Variants in ACOT1 observed in about 807,000 individuals in gnomAD.
ACOT1 encodes acyl-CoA thioesterase 1.
ACOT1 carries 8 observed loss-of-function variants against 15.7 expected under a neutral mutation model. That is an observed-to-expected ratio of 0.51 (90% CI 0.30 to 0.92). ACOT1 has a LOEUF of 0.92. Among genes scored for constraint, ACOT1 ranks in the 40% least tolerant of loss-of-function variants. ACOT1 has a pLI of 0.06. For synonymous variants in ACOT1, 67 were observed against 241.2 expected (o/e 0.28, Z 6.69); for missense variants, 151 against 539.4 (o/e 0.28, Z 7.13).
chr14:73,522,987 G>A, the ACOT1 span: 20 of 1,614,104 alleles, frequency 1.2e-5, no homozygotes, highest in Admixed American at 3.3e-5. Context: ...CGGTGTAGAC[G>A]GTACTGTGAG....
the ACOT1 span, chr14:73,491,444 G>T: frequency 2.2e-6 from 3 of 1,384,680 alleles, no homozygotes; most frequent in Non-Finnish European, 2.8e-6. Flanking sequence ...GGTCCGGGTG[G>T]TGGAGACCTC....
the ACOT1 span, chr14:73,500,429 C>T: frequency 9.1e-7 from 1 of 1,101,504 alleles, no homozygotes; most frequent in Non-Finnish European, 1.3e-6. Context: ...ACACCCCCTT[C>T]CCAGTTCCAA....
chr14:73,543,781 A>C lies in ACOT1; in HGVS notation c.*126A>C. 3.1e-6 allele frequency: 2 copies of C among 635,002 alleles called. No individual in the cohort carries two copies. The highest frequency in any genetic ancestry group is 4.4e-6 in the Non-Finnish European group (2 of 458,290). 39.3% of individuals were successfully genotyped at this position (635,002 alleles called of 1,614,324 possible). ...AAAGTTTCTTCCCCTCATTATTAAA[A>C]TGAATTTACCAGTAAGAATGAGTTT... On this transcript the variant is annotated 3_prime_UTR_variant, in exon 3 of 3. Coordinates refer to ENST00000311148, the MANE Select transcript of ACOT1 (RefSeq NM_001037161.2).
At chr14:73,516,508 T>C in the ACOT1 span, among the ~76,000 whole-genome samples, 1 of 148,096 alleles carries the variant, frequency 6.8e-6, no homozygotes, top group Non-Finnish European at 1.5e-5. Context: ...ATCTCTGATA[T>C]TTAACCTCAT....
chr14:73,498,210 C>T, the ACOT1 span: 2 of 1,614,078 alleles, frequency 1.2e-6, no homozygotes, highest in East Asian at 2.2e-5. Context: ...GTGTCCCTGA[C>T]CCGGTCCCCT....
At chr14:73,520,993 C>A in the ACOT1 span, 1 of 1,613,708 alleles carries the variant, frequency 6.2e-7, no homozygotes, top group Middle Eastern at 1.7e-4. Flanking sequence ...CTCTTGTTGC[C>A]AGGCATGATC....
the ACOT1 span, among the ~76,000 whole-genome samples, chr14:73,502,130 T>C: frequency 6.1e-4 from 93 of 151,458 alleles, no homozygotes; most frequent in African/African-American, 2.1e-3. Context: ...CTGGGCTCAA[T>C]TGATCCTCCT....
upstream of ACOT1, among the ~76,000 whole-genome samples, chr14:73,532,848 T>G (rs1258302505): frequency 1.8e-5 from 2 of 112,474 alleles, 1 homozygote; most frequent in Non-Finnish European, 3.9e-5. Context: ...CCCAGCTACT[T>G]GGAGGCTGAG....
the ACOT1 span, among the ~76,000 whole-genome samples, chr14:73,519,805 C>G: frequency 2.0e-5 from 3 of 152,150 alleles, no homozygotes; most frequent in Non-Finnish European, 2.9e-5. Context: ...ATCACAAGGT[C>G]AAGAGATTGT....
chr14:73,494,280 A>C, the ACOT1 span, among the ~76,000 whole-genome samples: 1 of 152,186 alleles, frequency 6.6e-6, no homozygotes, highest in Admixed American at 6.6e-5. Context: ...GCTGGTAGGC[A>C]GCTGGCTGAG....
At chr14:73,506,804 G>GTTTTTTTTGTTTTTTT in the ACOT1 span, among the ~76,000 whole-genome samples, 1 of 80,522 alleles carries the variant, frequency 1.2e-5, no homozygotes, top group East Asian at 5.8e-4. Flanking sequence ...GACTTTAACT[G>GTTTTTTTTGTTTTTTT]TTTTTTTTTT....
At position 73,537,490 on chromosome 14, in the gene ACOT1, G is replaced by A. The variant is rs747228529; in HGVS notation, c.69G>A (p.Val23=). 89 of 1,221,348 alleles carry A rather than the reference G, an allele frequency of 7.3e-5. 29 individuals carry two copies. Among genetic ancestry groups the A allele is most frequent in the Non-Finnish European group, 8.8e-5 (81 of 925,602 alleles). The allele number at this position is 1,221,348 out of a possible 1,614,324, so 75.7% of individuals were successfully genotyped here. A position where few individuals can be genotyped will look rare whatever the true frequency, so the allele number is the denominator to read the frequency against. Residue 23 remains valine, a synonymous_variant, in exon 1 of 3, where the codon GTG becomes GTA. Coordinates refer to ENST00000311148, the MANE Select transcript of ACOT1 (RefSeq NM_001037161.2). The part of the protein sequence containing the change: ...CCWDEPVRIA[V]RGLAPEQPVT... ...GGGACGAACCGGTGCGAATCGCCGT[G>A]CGCGGCCTAGCCCCGGAGCAGCCGG... is the stretch of plus-strand genomic sequence containing the variant.
At chr14:73,502,054 T>C in the ACOT1 span, among the ~76,000 whole-genome samples, 2 of 151,376 alleles carry the variant, frequency 1.3e-5, no homozygotes, top group Non-Finnish European at 2.9e-5. Flanking sequence ...CAATTTTTTT[T>C]TTTTTTTTTT....
the ACOT1 span, among the ~76,000 whole-genome samples, chr14:73,504,163 C>T: frequency 4.6e-5 from 7 of 151,342 alleles, no homozygotes; most frequent in Non-Finnish European, 8.8e-5. Flanking sequence ...CTGCAACCTC[C>T]GCCTCCTGGG....
the ACOT1 span, among the ~76,000 whole-genome samples, chr14:73,528,595 G>A: frequency 2.0e-5 from 3 of 152,024 alleles, no homozygotes; most frequent in African/African-American, 7.2e-5. Context: ...GCCAAATTGT[G>A]CACTTCCCAG....
At chr14:73,513,986 C>A in the ACOT1 span, 1 of 1,562,794 alleles carries the variant, frequency 6.4e-7, no homozygotes, top group Non-Finnish European at 8.8e-7. Context: ...AGATGAGAAC[C>A]ACTTCTCACA....
At chr14:73,518,168 C>T in the ACOT1 span, among the ~76,000 whole-genome samples, 3 of 152,118 alleles carry the variant, frequency 2.0e-5, no homozygotes, top group Non-Finnish European at 4.4e-5. Flanking sequence ...ACAGAATGTG[C>T]CTGTGCCTCC....
the ACOT1 span, chr14:73,492,998 C>CAT: frequency 7.4e-7 from 1 of 1,348,952 alleles, no homozygotes; most frequent in South Asian, 1.4e-5. This position sits in a 1 kb window ranked among gnomAD's most constrained non-coding sequence, Gnocchi z 4.9. Flanking sequence ...GCCACTGCTA[C>CAT]CTTTTTTTTT....
At chr14:73,500,804 C>A in the ACOT1 span, 1 of 1,408,618 alleles carries the variant, frequency 7.1e-7, no homozygotes, top group Admixed American at 2.0e-5. Flanking sequence ...CACTAATGCC[C>A]TCATGATAAA....
Sources: gnomAD v4.1 joint callset for allele counts (sites outside exome capture counted in the v4.1 genomes callset) on GRCh38, gnomAD v4.1.1 for gene constraint, Gnocchi (gnomAD v3.1) non-coding constraint, MANE v1.5 for transcripts, NCBI Gene and HGNC (gene_info 2026-07-23, HGNC 2026-07-21) for gene names.